The following EIF4E2 variants were observed in gnomAD, a reference collection of about 807,000 sequenced individuals.
EIF4E2 encodes eukaryotic translation initiation factor 4E family member 2, also known as eukaryotic translation initiation factor 4E type 2.
Under a neutral mutation model 34.2 loss-of-function variants are expected in EIF4E2, and 13 were observed. That is an observed-to-expected ratio of 0.38 (90% CI 0.25 to 0.60). The LOEUF (loss-of-function observed/expected upper bound fraction) is 0.60, where lower values mean the gene tolerates loss of function less well. Among genes scored for constraint, EIF4E2 ranks in the 20% least tolerant of loss-of-function variants. The pLI, the probability that EIF4E2 is intolerant of heterozygous loss-of-function variation, is 0.62. For missense variants in EIF4E2, 222 were observed against 315.1 expected (o/e 0.70, Z 2.24); for synonymous variants, 100 against 106.6 (o/e 0.94, Z 0.38).
intron 6 of EIF4E2, chr2:232,567,656 G>A: frequency 9.6e-7 from 1 of 1,040,764 alleles, no homozygotes; most frequent in Non-Finnish European, 1.2e-6. Flanking sequence ...CTACTTATCA[G>A]GAATGACTCC....
At chr2:232,559,437 G>GAAGA (rs1692638114) in intron 3 of EIF4E2, among the ~76,000 whole-genome samples, 1 of 119,094 alleles carries the variant, frequency 8.4e-6, no homozygotes, top group Admixed American at 9.3e-5. Flanking sequence ...GCTTTGGTTT[G>GAAGA]AAAAAAATAA....
chr2:232,563,516 A>G (rs900478537), intron 3 of EIF4E2, among the ~76,000 whole-genome samples: 5 of 152,156 alleles, frequency 3.3e-5, no homozygotes, highest in African/African-American at 1.2e-4. Context: ...ATTGTGAAGG[A>G]GCGGCAAGGA....
intron 1 of EIF4E2, among the ~76,000 whole-genome samples, chr2:232,551,850 T>C (rs758284951): frequency 1.3e-5 from 2 of 152,162 alleles, no homozygotes; most frequent in Non-Finnish European, 2.9e-5. Flanking sequence ...TCCAGGCAGG[T>C]AGGTCCTCAG....
intron 4 of EIF4E2, among the ~76,000 whole-genome samples, chr2:232,564,730 C>T (rs561135946): frequency 1.3e-5 from 2 of 152,336 alleles, no homozygotes; most frequent in South Asian, 4.1e-4. Context: ...GGATTACAGG[C>T]GTGAGCCACC....
intron 6 of EIF4E2, 182 bp downstream of exon 6, chr2:232,567,396 C>CTA: frequency 2.1e-6 from 3 of 1,419,882 alleles, no homozygotes; most frequent in Non-Finnish European, 2.8e-6. Context: ...TCCCTGCCAC[C>CTA]TATACTACCA....
intron 3 of EIF4E2, among the ~76,000 whole-genome samples, chr2:232,563,398 T>A (rs1199206116): frequency 1.3e-5 from 2 of 152,208 alleles, no homozygotes; most frequent in African/African-American, 4.8e-5. Flanking sequence ...TTTTTTCTTT[T>A]TTTTTAAGGG....
At chr2:232,550,792 C>T (rs1375531527) in intron 1 of EIF4E2, 48 bp downstream of exon 1, 5 of 1,507,172 alleles carry the variant, frequency 3.3e-6, no homozygotes, top group Admixed American at 2.3e-5. Context: ...GAACAGTTCC[C>T]CCGCGCCCGC....
intron 1 of EIF4E2, among the ~76,000 whole-genome samples, chr2:232,554,616 A>G (rs1692459847): frequency 6.6e-6 from 1 of 152,130 alleles, no homozygotes; most frequent in Non-Finnish European, 1.5e-5. Flanking sequence ...AATAAAGGGG[A>G]AGGGAATATC....
chr2:232,567,429 C>G, intron 6 of EIF4E2: 1 of 1,355,466 alleles, frequency 7.4e-7, no homozygotes. Context: ...CAGAGAGAGC[C>G]CATCTGCAGA....
intron 3 of EIF4E2, among the ~76,000 whole-genome samples, chr2:232,560,453 G>GT (rs1297252415): frequency 1.3e-5 from 2 of 152,198 alleles, no homozygotes; most frequent in African/African-American, 4.8e-5. Flanking sequence ...GCCTTCTTAA[G>GT]TAACACACTA....
Position 232,569,024 on chromosome 2 carries a change from C to G in EIF4E2, c.*7C>G. On this transcript the variant is annotated 3_prime_UTR_variant, in exon 7 of 7. Transcript: ENST00000258416. Reference sequence around the variant, plus strand: ...GCGGTTGAATGTGCCATGACCCTCTCCCTCTCTGGATGGCACCATCATTGA... The same window carrying G: ...GCGGTTGAATGTGCCATGACCCTCTGCCTCTCTGGATGGCACCATCATTGA... 6.2e-7 allele frequency: 1 copy of G among 1,613,948 alleles called. No individual in the cohort carries two copies. The highest frequency in any genetic ancestry group is 8.5e-7 in the Non-Finnish European group (1 of 1,179,934).
chr2:232,561,183 C>T (rs961147866), intron 3 of EIF4E2, among the ~76,000 whole-genome samples: 2 of 151,734 alleles, frequency 1.3e-5, no homozygotes, highest in African/African-American at 2.4e-5. Flanking sequence ...CCTGTAATCC[C>T]AGCACTTCGG....
intron 6 of EIF4E2, chr2:232,580,788 G>A (rs1024573764): frequency 4.5e-5 from 41 of 905,208 alleles, no homozygotes; most frequent in Non-Finnish European, 6.1e-5. Flanking sequence ...GAAGGCCCCG[G>A]GATATGTCAT....
Position 232,566,958 on chromosome 2 carries a change from G to T in EIF4E2, c.505G>T (p.Ala169Ser), listed in dbSNP as rs765905383. 2 of 1,600,646 alleles carry T rather than the reference G, an allele frequency of 1.2e-6. No homozygotes were observed. The highest frequency in any genetic ancestry group is 2.2e-5 in the East Asian group (1 of 44,764). ...CATGGTTGGGGAGGAGATCTGTGGG[G>T]CTGTGGTGTCTGTCCGCTTTCAGGT... ...QFMVGEEICGAVVSVRFQEDI... is the reference protein window; with the variant it reads ...QFMVGEEICGSVVSVRFQEDI... The change falls in exon 5 of 7, where the codon GCT becomes TCT. Residue 169 changes from alanine to serine, a missense_variant. By Grantham distance (99) the Ala-to-Ser change is moderately conservative. Coordinates refer to ENST00000258416, the MANE Select transcript of EIF4E2 (RefSeq NM_004846.4). The surrounding 1 kb of genome is among the most constrained non-coding windows in gnomAD (Gnocchi z 4.9).
At chr2:232,561,601 T>C (rs1692726840) in intron 3 of EIF4E2, among the ~76,000 whole-genome samples, 1 of 152,240 alleles carries the variant, frequency 6.6e-6, no homozygotes, top group South Asian at 2.1e-4. Context: ...ACATTATGAA[T>C]CCTTTTATCA....
In EIF4E2 at chr2:232,557,960, G is replaced by T; in HGVS notation, c.212G>T (p.Arg71Leu). The T allele has an allele frequency of 6.2e-7, 1 of 1,614,090 alleles. No individual in the cohort carries two copies. Among genetic ancestry groups the T allele is most frequent in the Non-Finnish European group, 8.5e-7 (1 of 1,180,006 alleles). Reference protein sequence around the residue: ...TFWYSRRTPGRPTSSQSYEQN... With the variant: ...TFWYSRRTPGLPTSSQSYEQN... ...TGGTACTCCAGGAGAACCCCCGGCC[G>T]TCCCACGAGCTCACAGAGCTATGAA... Residue 71 changes from arginine to leucine, a missense_variant, in exon 3 of 7, where the codon CGT becomes CTT. Transcript: ENST00000258416.
chr2:232,574,512 C>T (rs1693163851), intron 6 of EIF4E2, among the ~76,000 whole-genome samples: 1 of 152,188 alleles, frequency 6.6e-6, no homozygotes, highest in Non-Finnish European at 1.5e-5. Flanking sequence ...TCCTGGTGAA[C>T]CCCTGAGCAG....
At chr2:232,563,676 G>T (rs1692807404) in intron 3 of EIF4E2, among the ~76,000 whole-genome samples, 1 of 152,206 alleles carries the variant, frequency 6.6e-6, no homozygotes, top group Admixed American at 6.5e-5. Context: ...TATCACTTAC[G>T]CTTAGTAACT....
chr2:232,571,228 G>A (rs753031604), downstream of EIF4E2, among the ~76,000 whole-genome samples: 4 of 152,330 alleles, frequency 2.6e-5, no homozygotes, highest in Middle Eastern at 3.4e-3. Context: ...GCAGGCGGGT[G>A]ATGAGCTGCT....
Sources: allele counts gnomAD v4.1 joint callset (sites outside exome capture counted in the v4.1 genomes callset), GRCh38; gene constraint gnomAD v4.1.1; non-coding constraint Gnocchi (gnomAD v3.1); transcripts MANE v1.5; gene names NCBI Gene and HGNC (gene_info 2026-07-23, HGNC 2026-07-21).